TCF12: variants seen among roughly 807,000 people sequenced by gnomAD.
TCF12 encodes transcription factor 12, also known as DNA-binding protein HTF4.
TCF12 carries 45 observed loss-of-function variants against 86.0 expected under a neutral mutation model. The ratio of observed to expected loss-of-function variants is 0.52; its 90% CI spans 0.41 to 0.67. The LOEUF (loss-of-function observed/expected upper bound fraction) is 0.67. Among genes scored for constraint, TCF12 ranks in the 30% least tolerant of loss-of-function variants. The pLI is 0.00. For missense variants in TCF12, 881 were observed against 859.9 expected, an observed-to-expected ratio of 1.02 and a Z score of -0.31; for synonymous variants, 330 against 299.6, an observed-to-expected ratio of 1.10 and a Z score of -1.05.
intron 3 of TCF12, among the ~76,000 whole-genome samples, chr15:57,007,857 CCTTCCTTCCTTCCTTCCTTCCTTCCTT>C (rs2064536449): frequency 1.3e-4 from 1 of 7,932 alleles, no homozygotes. Flanking sequence ...TCCCTCCCTT[CCTTCCTTCCTTCCTTCCTTCCTTCCTT>C]CCTTCCTTCC....
intron 13 of TCF12, chr15:57,247,671 T>C: frequency 1.3e-6 from 1 of 759,970 alleles, no homozygotes; most frequent in South Asian, 1.4e-5. Flanking sequence ...ACAAAAATTT[T>C]CCTCACTGTT....
At chr15:57,029,874 T>TAA (rs1189987658) in intron 3 of TCF12, among the ~76,000 whole-genome samples, 1 of 152,360 alleles carries the variant, frequency 6.6e-6, no homozygotes, top group Admixed American at 6.5e-5. Context: ...TAAGCATAAT[T>TAA]ACATGTGAGA....
chr15:57,000,257 C>T (rs1290182349), intron 3 of TCF12, among the ~76,000 whole-genome samples: 2 of 151,672 alleles, frequency 1.3e-5, no homozygotes, highest in African/African-American at 4.9e-5. Context: ...TCGTTACAGC[C>T]TCCGTCTCCT....
rs531650060 is a variant in TCF12, at chr15:57,142,062, CAAG to C, written c.326-24338_326-24336del. ...TTGAAGCCAGTGATCACAGCAAAAA[CAAG>C]AGGAGGTGAGATAAGAGCTTCTGTG... On this transcript the variant is annotated intron_variant, in intron 5 of 20. Transcript: ENST00000333725. Among the ~76,000 whole-genome samples the C allele has an allele frequency of 2.6e-3, 392 of 152,218 alleles. 9 individuals carry two copies. Among genetic ancestry groups the C allele is most frequent in the Admixed American group, 0.023 (354 of 15,290 alleles).
At chr15:57,079,394 A>T (rs979144399) in intron 4 of TCF12, among the ~76,000 whole-genome samples, 5 of 151,994 alleles carry the variant, frequency 3.3e-5, no homozygotes, top group Non-Finnish European at 7.4e-5. Context: ...ACTGAGAAGC[A>T]TTAAAAAATC....
chr15:57,206,582 C>CTTTTTTTT (rs67531540), intron 8 of TCF12, among the ~76,000 whole-genome samples: 9 of 83,806 alleles, frequency 1.1e-4, no homozygotes, highest in Admixed American at 1.8e-4. Flanking sequence ...CTTGTATTCT[C>CTTTTTTTT]TTTTTTTTTT....
intron 5 of TCF12, among the ~76,000 whole-genome samples, chr15:57,161,395 G>A (rs1485594951): frequency 6.6e-6 from 1 of 152,110 alleles, no homozygotes; most frequent in African/African-American, 2.4e-5. Flanking sequence ...TTTAAATACT[G>A]TATAAATTAG....
At chr15:57,282,166 A>G (rs527539011) in intron 19 of TCF12, 38 of 436,716 alleles carry the variant, frequency 8.7e-5, no homozygotes, top group South Asian at 7.7e-4. Flanking sequence ...GCATTTGCCA[A>G]AATGTTTGAG....
intron 3 of TCF12, among the ~76,000 whole-genome samples, chr15:57,057,549 C>CT (rs1198651970): frequency 3.3e-5 from 5 of 152,176 alleles, no homozygotes; most frequent in African/African-American, 1.2e-4. Context: ...TGATAGCAAG[C>CT]TAGCTAGATA....
intron 5 of TCF12, among the ~76,000 whole-genome samples, chr15:57,145,384 G>T (rs1321614913): frequency 6.6e-6 from 1 of 151,926 alleles, no homozygotes; most frequent in Non-Finnish European, 1.5e-5. Context: ...ATTTATAAAT[G>T]ATTTCTCATT....
intron 3 of TCF12, among the ~76,000 whole-genome samples, chr15:57,043,175 T>A (rs2067008425): frequency 6.6e-6 from 1 of 152,194 alleles, no homozygotes; most frequent in African/African-American, 2.4e-5. Flanking sequence ...ACTACATGGA[T>A]TAACTACATT....
intron 3 of TCF12, among the ~76,000 whole-genome samples, chr15:57,030,730 A>G (rs2141345126): frequency 6.6e-6 from 1 of 152,278 alleles, no homozygotes; most frequent in Non-Finnish European, 1.5e-5. Context: ...AATCATTTTG[A>G]AAATATAATT....
At chr15:57,064,341 A>G (rs1353700320) in intron 4 of TCF12, among the ~76,000 whole-genome samples, 1 of 152,240 alleles carries the variant, frequency 6.6e-6, no homozygotes, top group African/African-American at 2.4e-5. Flanking sequence ...CACTGAGGTC[A>G]CAAGGTTAGA....
At chr15:56,963,707 C>A (rs2061877989) in intron 3 of TCF12, among the ~76,000 whole-genome samples, 1 of 152,160 alleles carries the variant, frequency 6.6e-6, no homozygotes, top group Middle Eastern at 3.2e-3. Flanking sequence ...TTTGGATGCA[C>A]CTACTTATTT....
intron 6 of TCF12, among the ~76,000 whole-genome samples, chr15:57,183,992 T>C (rs75749101): frequency 0.02 from 3,022 of 152,306 alleles, 96 homozygotes; most frequent in Admixed American, 0.087. Flanking sequence ...TCAGCCCTTA[T>C]TATGACTACT....
chr15:57,015,728 A>G (rs1178049225), intron 3 of TCF12, among the ~76,000 whole-genome samples: 1 of 152,200 alleles, frequency 6.6e-6, no homozygotes, highest in Non-Finnish European at 1.5e-5. Context: ...AGTTATTTGA[A>G]CTAAAATAAG....
intron 6 of TCF12, among the ~76,000 whole-genome samples, chr15:57,169,803 T>TA (rs1393175944): frequency 2.0e-5 from 3 of 152,200 alleles, no homozygotes; most frequent in Non-Finnish European, 4.4e-5. Context: ...CTTACGTATT[T>TA]ATACCCTCTT....
chr15:57,083,899 T>A (rs1464278339), intron 4 of TCF12, among the ~76,000 whole-genome samples: 5 of 152,202 alleles, frequency 3.3e-5, no homozygotes, highest in African/African-American at 1.2e-4. Context: ...TTTATAGAAG[T>A]TAAGCATTAT....
At chr15:56,971,231 C>T (rs2062299385) in intron 3 of TCF12, among the ~76,000 whole-genome samples, 2 of 151,594 alleles carry the variant, frequency 1.3e-5, no homozygotes, top group South Asian at 4.2e-4. Context: ...CAAGAACAGC[C>T]AGGCCAACAT....
Sources: gnomAD v4.1 joint callset for allele counts (sites outside exome capture counted in the v4.1 genomes callset) on GRCh38, gnomAD v4.1.1 for gene constraint, MANE v1.5 for transcripts, NCBI Gene and HGNC (gene_info 2026-07-23, HGNC 2026-07-21) for gene names.